Variants in ABR observed in about 807,000 individuals in gnomAD.
ABR encodes the protein active breakpoint cluster region-related protein.
In ABR, 35 loss-of-function variants were observed where a neutral mutation model predicts 107.2. That is an observed-to-expected ratio of 0.33 (90% CI 0.25 to 0.43). The LOEUF is 0.43. Ranked by LOEUF, ABR falls within the 20% of genes least tolerant of loss-of-function variation. ABR has a pLI of 1.00. For missense variants in ABR, 815 were observed against 1,115.2 expected, an observed-to-expected ratio of 0.73 and a Z score of 3.83; for synonymous variants, 498 against 462.0, an observed-to-expected ratio of 1.08 and a Z score of -1.00.
Position 1,070,559 on chromosome 17 carries a change from C to T in ABR, c.895-469G>A, listed in dbSNP as rs542112673. Among the ~76,000 whole-genome samples, 7 of 152,042 alleles carry T rather than the reference C, an allele frequency of 4.6e-5. No homozygotes were observed. The highest frequency in any genetic ancestry group is 1.0e-4 in the Non-Finnish European group (7 of 68,002). On this transcript the variant is annotated intron_variant, in intron 8 of 22. Transcript: ENST00000302538. This position sits in a 1 kb window ranked among gnomAD's most constrained non-coding sequence, Gnocchi z 4.2. ...CGCGGCGGCGAACTTCATCTAGCCC[C>T]GGCTCAACCGAGACCCGAGACCCGA...
chr17:1,031,581 C>G (rs1198924106), intron 16 of ABR: 1 of 1,195,394 alleles, frequency 8.4e-7, no homozygotes, highest in Non-Finnish European at 1.1e-6. Flanking sequence ...CCCGGAACCT[C>G]CAGCCCCCGC....
intron 6 of ABR, among the ~76,000 whole-genome samples, chr17:1,074,700 A>G (rs1390436796): frequency 2.0e-5 from 3 of 152,224 alleles, no homozygotes; most frequent in Non-Finnish European, 4.4e-5. Context: ...GGGAGGCTGG[A>G]GGCCAGGAGG....
At chr17:1,128,045 G>A (rs895771340) in intron 1 of ABR, among the ~76,000 whole-genome samples, 1 of 152,160 alleles carries the variant, frequency 6.6e-6, no homozygotes, top group South Asian at 2.1e-4. Flanking sequence ...CCTGGTTAAG[G>A]GGGGCTGACC....
intron 16 of ABR, among the ~76,000 whole-genome samples, chr17:1,025,355 G>T (rs1302061187): frequency 1.3e-5 from 2 of 152,142 alleles, no homozygotes; most frequent in Non-Finnish European, 2.9e-5. Flanking sequence ...TAAACAGTGT[G>T]AATAACAGCA....
At chr17:1,090,274 G>A (rs539476734) in intron 4 of ABR, among the ~76,000 whole-genome samples, 2 of 152,186 alleles carry the variant, frequency 1.3e-5, no homozygotes, top group Non-Finnish European at 2.9e-5. Context: ...GGCTGGACAC[G>A]GGTCAGTGTG....
rs1262160501 is a variant in ABR at position 1,083,663 on chromosome 17, G to A, written c.532-36C>T. On this transcript the variant is annotated intron_variant, in intron 4 of 22. Transcript: ENST00000302538. ...GAGTCAGGGAACAGAGGGAGAGGAGGGTGGGAGGGGAGAGGATTAATGAAT... is the reference window on the plus strand; with the variant it reads ...GAGTCAGGGAACAGAGGGAGAGGAGAGTGGGAGGGGAGAGGATTAATGAAT... The A allele has an allele frequency of 1.2e-5, 18 of 1,490,184 alleles. No individual in the cohort carries two copies. In the Admixed American group the frequency reaches 3.0e-4, roughly 25 times the overall value. 92.3% of individuals were successfully genotyped at this position (1,490,184 alleles called of 1,614,324 possible).
At chr17:1,047,327 G>C (rs2260059) in intron 16 of ABR, among the ~76,000 whole-genome samples, 48,892 of 152,232 alleles carry the variant, frequency 0.32, 8,591 homozygotes, top group East Asian at 0.65. Context: ...CAAGCTGTGG[G>C]GACAGACCGT....
chr17:1,022,301 G>A (rs113331008), intron 16 of ABR, among the ~76,000 whole-genome samples: 1,836 of 152,100 alleles, frequency 0.012, 33 homozygotes, highest in African/African-American at 0.041. Flanking sequence ...CCAGGCCAGC[G>A]GCCACGGTGG....
chr17:1,087,319 G>A (rs945850001), intron 4 of ABR, among the ~76,000 whole-genome samples: 1 of 152,306 alleles, frequency 6.6e-6, no homozygotes, highest in Middle Eastern at 3.4e-3. Flanking sequence ...GTGGGGGTAG[G>A]GGTGGGGGCA....
intron 3 of ABR, 142 bp from the exon 4 acceptor site, chr17:1,091,992 G>T (rs1238398052): frequency 2.3e-6 from 2 of 865,902 alleles, no homozygotes; most frequent in East Asian, 5.1e-5. Context: ...ACTGAAACGA[G>T]CTTTGTATCA....
intron 1 of ABR, among the ~76,000 whole-genome samples, chr17:1,214,015 G>C (rs1254072107): frequency 6.6e-6 from 1 of 151,630 alleles, no homozygotes; most frequent in Non-Finnish European, 1.5e-5. Flanking sequence ...AGCCTCCCGA[G>C]TAGCTGGGAT....
chr17:1,078,957 C>CCGCACGGACTCCAGCAT lies in ABR; in HGVS notation c.700+356_700+372dup. 8.6e-6 allele frequency: 13 copies of CCGCACGGACTCCAGCAT among 1,519,192 alleles called. No homozygotes were observed. Among genetic ancestry groups the CCGCACGGACTCCAGCAT allele is most frequent in the Non-Finnish European group, 1.1e-5 (13 of 1,136,926 alleles). 94.1% of individuals were successfully genotyped at this position (1,519,192 alleles called of 1,614,324 possible). A position where few individuals can be genotyped will look rare whatever the true frequency, so the allele number is the denominator to read the frequency against. The stretch of plus-strand genomic sequence containing the variant: ...CCACTCAGCCACCTTGCTGATGCTG[C>CCGCACGGACTCCAGCAT]CGCACGGACTCCAGCATCGGGCAGC... On this transcript the variant is annotated intron_variant, in intron 6 of 22. Transcript: ENST00000302538. The surrounding 1 kb of genome is among the most constrained non-coding windows in gnomAD (Gnocchi z 7.5).
At chr17:1,061,623 T>A (rs945201095) in intron 10 of ABR, among the ~76,000 whole-genome samples, 1 of 152,056 alleles carries the variant, frequency 6.6e-6, no homozygotes, top group Non-Finnish European at 1.5e-5. Flanking sequence ...CTCGGCTCAC[T>A]GCAACCTCCA....
chr17:1,107,931 A>G (rs780438042), intron 2 of ABR, among the ~76,000 whole-genome samples: 1 of 152,202 alleles, frequency 6.6e-6, no homozygotes, highest in African/African-American at 2.4e-5. Context: ...GCCACACTGT[A>G]GAGTGGGTGG....
At chr17:1,194,439 T>C (rs11247582) in intron 1 of ABR, among the ~76,000 whole-genome samples, 115,718 of 146,748 alleles carry the variant, frequency 0.79, 47,605 homozygotes, top group South Asian at 0.9. Flanking sequence ...TCAGGTGATC[T>C]GCCTGCCTCG....
At chr17:1,117,963 C>G (rs2039111707) in intron 2 of ABR, among the ~76,000 whole-genome samples, 1 of 112,238 alleles carries the variant, frequency 8.9e-6, no homozygotes, top group Non-Finnish European at 1.9e-5. Flanking sequence ...TGAGTTCTCC[C>G]CAGCGTTATC....
chr17:1,113,281 T>TG (rs1388637870), intron 2 of ABR, among the ~76,000 whole-genome samples: 1 of 131,742 alleles, frequency 7.6e-6, no homozygotes, highest in Non-Finnish European at 1.6e-5. Flanking sequence ...TATTGCGATT[T>TG]TTTTTTTTTT....
intron 4 of ABR, among the ~76,000 whole-genome samples, chr17:1,087,036 G>A (rs2151275908): frequency 6.6e-6 from 1 of 152,264 alleles, no homozygotes; most frequent in South Asian, 2.1e-4. Flanking sequence ...CATGCCAGTA[G>A]CTGCTTCAAG....
chr17:1,033,781 G>A lies in ABR; in HGVS notation c.1791+16269C>T, dbSNP rs535299532. Among the ~76,000 whole-genome samples the A allele has an allele frequency of 9.9e-5, 15 of 152,094 alleles. No homozygotes were observed. The East Asian group carries it at 1.5e-3, about 16-fold the overall frequency. Reference sequence around the variant, plus strand: ...CCGCCTGAGGGGGAGGTGGAGAGACGGACGGAGGTAGGAACATGCCTGTGT... The same window carrying A: ...CCGCCTGAGGGGGAGGTGGAGAGACAGACGGAGGTAGGAACATGCCTGTGT... On this transcript the variant is annotated intron_variant, in intron 16 of 22. Coordinates refer to ENST00000302538, the MANE Select transcript of ABR (RefSeq NM_021962.5).
Sources: gnomAD v4.1 joint callset for allele counts (sites outside exome capture counted in the v4.1 genomes callset) on GRCh38, gnomAD v4.1.1 for gene constraint, Gnocchi (gnomAD v3.1) non-coding constraint, MANE v1.5 for transcripts, NCBI Gene and HGNC (gene_info 2026-07-23, HGNC 2026-07-21) for gene names.